PLA1A: variants seen among roughly 807,000 people sequenced by gnomAD.
PLA1A encodes phospholipase A1 member A.
PLA1A carries 47 observed loss-of-function variants against 49.4 expected under a neutral mutation model. The observed-to-expected ratio is 0.95, with a 90% CI of 0.75 to 1.21. PLA1A has a LOEUF of 1.21. PLA1A is among the 50% of genes most tolerant of loss of function. PLA1A has a pLI of 0.00. For synonymous variants in PLA1A, 224 were observed against 207.9 expected (o/e 1.08, Z -0.67); for missense variants, 561 against 563.9 (o/e 0.99, Z 0.05).
At chr3:119,621,248 G>C (rs984967495) in intron 8 of PLA1A, among the ~76,000 whole-genome samples, 5 of 152,212 alleles carry the variant, frequency 3.3e-5, no homozygotes, top group Admixed American at 2.0e-4. Flanking sequence ...CCTGCTGAGG[G>C]GGTTCACAGG....
chr3:119,620,999 G>C (rs139617178), intron 8 of PLA1A, among the ~76,000 whole-genome samples: 112 of 152,270 alleles, frequency 7.4e-4, no homozygotes, highest in Admixed American at 1.4e-3. Flanking sequence ...CCTGCTGTCC[G>C]CAGGCCGTAC....
At chr3:119,624,841 G>T (rs2052493212) in intron 8 of PLA1A, among the ~76,000 whole-genome samples, 1 of 152,212 alleles carries the variant, frequency 6.6e-6, no homozygotes, top group Non-Finnish European at 1.5e-5. Flanking sequence ...ATGTTGGTCA[G>T]ACTGGTCTCA....
chr3:119,607,705 C>A (rs1239583794), intron 2 of PLA1A, among the ~76,000 whole-genome samples: 1 of 152,192 alleles, frequency 6.6e-6, no homozygotes, highest in Admixed American at 6.5e-5. Flanking sequence ...CCTTAGGCAT[C>A]TCTCCTTGCT....
intron 9 of PLA1A, among the ~76,000 whole-genome samples, chr3:119,628,158 T>C (rs1275203418): frequency 1.3e-5 from 2 of 152,240 alleles, no homozygotes; most frequent in African/African-American, 2.4e-5. Context: ...AGTTGCTATG[T>C]GACTCCACAG....
chr3:119,622,103 A>AAGGAGAAGG (rs113459430), intron 8 of PLA1A, among the ~76,000 whole-genome samples: 57 of 147,256 alleles, frequency 3.9e-4, no homozygotes, highest in African/African-American at 1.4e-3. Context: ...GAAGAAGAAG[A>AAGGAGAAGG]AGAAGGAGAA....
In PLA1A at chr3:119,629,498, A is replaced by ATTTTTT. The variant is rs3054091; in HGVS notation, c.*41_*46dup. The ATTTTTT allele has an allele frequency of 3.1e-4, 272 of 876,358 alleles. No individual in the cohort carries two copies. The highest frequency in any genetic ancestry group is 9.6e-4 in the South Asian group (59 of 61,522). 54.3% of individuals were successfully genotyped at this position (876,358 alleles called of 1,614,324 possible). A position where few individuals can be genotyped will look rare whatever the true frequency, so the allele number is the denominator to read the frequency against. On this transcript the variant is annotated 3_prime_UTR_variant, in exon 11 of 11. Transcript: ENST00000273371. ...ACCTGGGCAGGACACATCTCCCTGC[A>ATTTTTT]TTTTTTTTTTTTTTTTGAGAGAGAG...
Position 119,629,498 on chromosome 3 carries a change from ATT to A in PLA1A, c.*45_*46del, listed in dbSNP as rs3054091. 3.5e-3 allele frequency: 3,062 copies of A among 868,412 alleles called. No individual in the cohort carries two copies. Among genetic ancestry groups the A allele is most frequent in the South Asian group, 4.9e-3 (297 of 60,938 alleles). The allele number at this position is 868,412 out of a possible 1,614,324, so 53.8% of individuals were successfully genotyped here. On this transcript the variant is annotated 3_prime_UTR_variant, in exon 11 of 11. Transcript: ENST00000273371. The stretch of plus-strand genomic sequence containing the variant: ...ACCTGGGCAGGACACATCTCCCTGC[ATT>A]TTTTTTTTTTTTTTGAGAGAGAGGT...
intron 1 of PLA1A, among the ~76,000 whole-genome samples, chr3:119,599,128 G>T (rs2082580207): frequency 1.3e-5 from 2 of 152,170 alleles, no homozygotes; most frequent in Non-Finnish European, 2.9e-5. Context: ...GGCTAACCCA[G>T]ACTGGAATCC....
At chr3:119,606,062 A>G (rs2670293) in intron 1 of PLA1A, among the ~76,000 whole-genome samples, 33,174 of 152,130 alleles carry the variant, frequency 0.22, 4,362 homozygotes, top group East Asian at 0.46. Context: ...CCGCAGGGCA[A>G]CTGTTCATTT....
chr3:119,613,566 C>G (rs1045315428), intron 5 of PLA1A, among the ~76,000 whole-genome samples: 1 of 152,216 alleles, frequency 6.6e-6, no homozygotes, highest in African/African-American at 2.4e-5. Flanking sequence ...CCCCAGATGA[C>G]AAGCTTGGCC....
intron 7 of PLA1A, 89 bp downstream of exon 7, chr3:119,618,275 G>T: frequency 9.0e-7 from 1 of 1,115,566 alleles, no homozygotes; most frequent in South Asian, 1.5e-5. Flanking sequence ...GATGTCCTAT[G>T]GTCAAGAATT....
chr3:119,607,990 C>G (rs1346515696), intron 2 of PLA1A, among the ~76,000 whole-genome samples: 1 of 152,104 alleles, frequency 6.6e-6, no homozygotes, highest in Non-Finnish European at 1.5e-5. Flanking sequence ...AAACATTTTT[C>G]TATCATTTTC....
chr3:119,608,707 T>C, intron 2 of PLA1A, 63 bp from the exon 3 acceptor site: 6 of 1,264,600 alleles, frequency 4.7e-6, no homozygotes, highest in Non-Finnish European at 6.8e-6. Context: ...AATAGAGGTT[T>C]CCATGACAAT....
chr3:119,608,228 G>A (rs1173331286), intron 2 of PLA1A, among the ~76,000 whole-genome samples: 6 of 106,576 alleles, frequency 5.6e-5, no homozygotes, highest in South Asian at 3.0e-4. Flanking sequence ...GAAAGAAAGA[G>A]AGAGAAAGAA....
chr3:119,598,093 G>A, intron 1 of PLA1A, 107 bp downstream of exon 1: 1 of 639,828 alleles, frequency 1.6e-6, no homozygotes, highest in Non-Finnish European at 2.7e-6. Context: ...AAAGCCTTTT[G>A]CCTCTTCTGA....
intron 6 of PLA1A, among the ~76,000 whole-genome samples, chr3:119,617,099 A>T (rs2082858179): frequency 6.6e-6 from 1 of 152,240 alleles, no homozygotes; most frequent in Non-Finnish European, 1.5e-5. Context: ...TATACAGCTC[A>T]CCACATACTT....
At chr3:119,606,654 A>G (rs1459376104) in intron 1 of PLA1A, 120 bp from the exon 2 acceptor site, 1 of 661,850 alleles carries the variant, frequency 1.5e-6, no homozygotes, top group Non-Finnish European at 2.6e-6. Context: ...TAGCTGATGT[A>G]TAATAAACCC....
At position 119,625,097 on chromosome 3, in the gene PLA1A, A is replaced by T. The variant is rs770016084; in HGVS notation, c.1013-27A>T. ...CCATTGCACCTTCTGCCCTCTGGCC[A>T]GTCTCTGTTGTGCTTTGGTTTCCTA... On this transcript the variant is annotated intron_variant, in intron 8 of 10. Coordinates refer to ENST00000273371, the MANE Select transcript of PLA1A (RefSeq NM_015900.4). 2.1e-6 allele frequency: 3 copies of T among 1,460,056 alleles called. No individual in the cohort carries two copies. In the South Asian group the frequency reaches 3.4e-5, roughly 17 times the overall value. 90.4% of individuals were successfully genotyped at this position (1,460,056 alleles called of 1,614,324 possible).
rs756855897 is a variant in PLA1A, at chr3:119,616,103, T to A, written c.754+2T>A. On this transcript the variant is annotated splice_donor_variant, in intron 6 of 10. Coordinates refer to ENST00000273371, the MANE Select transcript of PLA1A (RefSeq NM_015900.4). LOFTEE classifies it high-confidence loss of function. ...GCTGCCCCACCTTCTTTTACGCAGG[T>A]CAGAAAGCCAGTACAATCTGGTATT... is the stretch of plus-strand genomic sequence containing the variant. 6.2e-7 allele frequency: 1 copy of A among 1,601,686 alleles called. No homozygotes were observed. The highest frequency in any genetic ancestry group is 1.7e-5 in the Admixed American group (1 of 59,986).
Sources: gnomAD v4.1 joint callset for allele counts (sites outside exome capture counted in the v4.1 genomes callset) on GRCh38, gnomAD v4.1.1 for gene constraint, MANE v1.5 for transcripts, NCBI Gene and HGNC (gene_info 2026-07-23, HGNC 2026-07-21) for gene names.